Variants in PGM2 observed in about 807,000 individuals in gnomAD.
The protein encoded by PGM2 is phosphoglucomutase 2, also known as phosphopentomutase.
PGM2 carries 57 observed loss-of-function variants against 74.6 expected under a neutral mutation model. The observed-to-expected ratio is 0.76, with a 90% CI of 0.62 to 0.95. The LOEUF is 0.95. PGM2 is among the 40% of genes least tolerant of loss of function. The pLI is 0.00. For missense variants in PGM2, 706 were observed against 741.9 expected (o/e 0.95, Z 0.56); for synonymous variants, 273 against 260.7 (o/e 1.05, Z -0.46).
intron 11 of PGM2, among the ~76,000 whole-genome samples, chr4:37,849,087 A>T (rs895624105): frequency 2.7e-5 from 4 of 150,060 alleles, no homozygotes; most frequent in Admixed American, 1.3e-4. Flanking sequence ...AAAAAAAAAA[A>T]ATTTAAAAAA....
intron 4 of PGM2, among the ~76,000 whole-genome samples, chr4:37,839,057 C>A (rs976827771): frequency 2.0e-5 from 3 of 151,696 alleles, no homozygotes; most frequent in Non-Finnish European, 4.4e-5. Context: ...AAATATTTAA[C>A]CCTGGAGTGA....
intron 13 of PGM2, among the ~76,000 whole-genome samples, chr4:37,856,296 A>G (rs1435562287): frequency 6.6e-6 from 1 of 152,100 alleles, no homozygotes; most frequent in East Asian, 1.9e-4. Context: ...GAGGCAGGAG[A>G]ATGGTGTGAA....
chr4:37,854,523 G>T (rs901332876), intron 12 of PGM2, among the ~76,000 whole-genome samples: 4 of 151,978 alleles, frequency 2.6e-5, no homozygotes, highest in Non-Finnish European at 4.4e-5. Context: ...GCTAATTTTT[G>T]TATTTTTAGT....
At chr4:37,854,148 G>T (rs1025920027) in intron 12 of PGM2, among the ~76,000 whole-genome samples, 1 of 152,038 alleles carries the variant, frequency 6.6e-6, no homozygotes, top group Non-Finnish European at 1.5e-5. Context: ...TGACTTGTGC[G>T]ATCGGTTGGC....
intron 11 of PGM2, among the ~76,000 whole-genome samples, chr4:37,849,404 C>CT (rs34587864): frequency 0.029 from 1,820 of 62,870 alleles, 147 homozygotes; most frequent in Non-Finnish European, 0.043. Flanking sequence ...TGTTGGACCT[C>CT]TTTTTTTTTT....
At chr4:37,842,543 A>G (rs1393824736) in intron 6 of PGM2, among the ~76,000 whole-genome samples, 2 of 103,744 alleles carry the variant, frequency 1.9e-5, no homozygotes, top group Non-Finnish European at 4.2e-5. Flanking sequence ...CAATGGAAGA[A>G]TCTTTCTTTT....
Position 37,846,980 on chromosome 4 carries a change from T to C in PGM2, c.1057T>C (p.Trp353Arg). 1 of 1,614,014 alleles carries C rather than the reference T, an allele frequency of 6.2e-7. No individual in the cohort carries two copies. The highest frequency in any genetic ancestry group is 1.3e-5 in the African/African-American group (1 of 75,042). ...CAATGAGTTGGGGGCCCTCCTGGGC[T>C]GGTGGCTTTTTACATCTTGGAAAGA... ...SGNELGALLG[W>R]WLFTSWKEKN... The change falls in exon 9 of 14, where the codon TGG becomes CGG. Residue 353 changes from tryptophan (W) to arginine (R), a missense_variant. Around this residue, in one of 3 missense-constraint regions of PGM2, gnomAD observed 359 missense variants for 371.1 expected, o/e 0.97. Transcript: ENST00000381967.
chr4:37,855,986 A>G (rs1259404001), intron 13 of PGM2, among the ~76,000 whole-genome samples: 2 of 152,216 alleles, frequency 1.3e-5, no homozygotes, highest in African/African-American at 4.8e-5. Flanking sequence ...TTATTTCAGT[A>G]TAGTAGTAAA....
chr4:37,840,407 AG>A, intron 6 of PGM2, 148 bp downstream of exon 6: 1 of 601,766 alleles, frequency 1.7e-6, no homozygotes, highest in East Asian at 2.8e-5. Context: ...ATTTTGAGAC[AG>A]GGTCTCACTG....
intron 4 of PGM2, among the ~76,000 whole-genome samples, chr4:37,839,111 A>ATTTT (rs60423053): frequency 3.2e-5 from 3 of 94,656 alleles, no homozygotes; most frequent in Non-Finnish European, 4.3e-5. Context: ...ATTCCCTCAA[A>ATTTT]TTTTTTTTTT....
intron 4 of PGM2, 91 bp from the exon 5 acceptor site, chr4:37,839,757 A>G (rs1725656452): frequency 2.7e-6 from 2 of 753,082 alleles, no homozygotes; most frequent in South Asian, 2.9e-5. Context: ...AAAGGGAGCA[A>G]GTTGGCATGA....
chr4:37,854,900 AGTTAT>A (rs1726152902), intron 12 of PGM2, among the ~76,000 whole-genome samples: 2 of 152,216 alleles, frequency 1.3e-5, no homozygotes, highest in Admixed American at 6.5e-5. Context: ...AAATTAATTT[AGTTAT>A]GTTAATTCAC....
intron 13 of PGM2, 39 bp downstream of exon 13, chr4:37,855,780 C>A: frequency 6.4e-7 from 1 of 1,551,874 alleles, no homozygotes; most frequent in Non-Finnish European, 8.7e-7. Context: ...TTTTACTCCC[C>A]AGACTTCCTA....
chr4:37,851,961 G>GTTTTCTTTCTTTTTTTTTTTT (rs1430228977), intron 12 of PGM2, among the ~76,000 whole-genome samples: 3 of 135,338 alleles, frequency 2.2e-5, no homozygotes, highest in African/African-American at 2.8e-5. Context: ...CCTTTTGTTT[G>GTTTTCTTTCTTTTTTTTTTTT]TTTGTTTTCT....
At chr4:37,844,901 G>A (rs1426925887) in intron 7 of PGM2, among the ~76,000 whole-genome samples, 1 of 151,434 alleles carries the variant, frequency 6.6e-6, no homozygotes, top group Non-Finnish European at 1.5e-5. Context: ...CTGAGAGATG[G>A]AGGTTGCAGT....
chr4:37,840,959 T>C, intron 6 of PGM2, among the ~76,000 whole-genome samples: 1 of 96,146 alleles, frequency 1.0e-5, no homozygotes, highest in East Asian at 2.5e-4. Flanking sequence ...TGTGTGTGTG[T>C]GTGTGTATAT....
At chr4:37,841,188 G>GTGTGTGTGTGTGTGTGTGTGT (rs60419379) in intron 6 of PGM2, among the ~76,000 whole-genome samples, 1 of 141,324 alleles carries the variant, frequency 7.1e-6, no homozygotes, top group Non-Finnish European at 1.5e-5. Flanking sequence ...GTGTGTGTGT[G>GTGTGTGTGTGTGTGTGTGTGT]GTTTGTTCTG....
chr4:37,859,145 C>G (rs1328502596), intron 13 of PGM2, among the ~76,000 whole-genome samples: 1 of 152,100 alleles, frequency 6.6e-6, no homozygotes, highest in Non-Finnish European at 1.5e-5. Flanking sequence ...GCTCTCTCAC[C>G]ATATATGTTA....
intron 13 of PGM2, among the ~76,000 whole-genome samples, chr4:37,856,010 A>G (rs910188578): frequency 6.6e-6 from 1 of 152,178 alleles, no homozygotes; most frequent in African/African-American, 2.4e-5. Context: ...GCCTTTTTCT[A>G]AACACTTTTC....
Sources: gnomAD v4.1 joint callset for allele counts (sites outside exome capture counted in the v4.1 genomes callset) on GRCh38, gnomAD v4.1.1 for gene constraint, gnomAD v4.1.1 regional missense constraint, MANE v1.5 for transcripts, NCBI Gene and HGNC (gene_info 2026-07-23, HGNC 2026-07-21) for gene names.